The following NSA2 variants were observed in gnomAD, a reference collection of about 807,000 sequenced individuals.
NSA2 encodes the protein ribosome biogenesis protein NSA2 homolog.
NSA2 carries 18 observed loss-of-function variants against 34.8 expected under a neutral mutation model. That is an observed-to-expected ratio of 0.52 (90% confidence interval 0.36 to 0.77). NSA2 has a LOEUF of 0.77. NSA2 is among the 30% of genes least tolerant of loss of function. The pLI is 0.00. For synonymous variants in NSA2, 79 were observed against 100.2 expected, an observed-to-expected ratio of 0.79 and a Z score of 1.26; for missense variants, 188 against 314.7, an observed-to-expected ratio of 0.60 and a Z score of 3.05.
In NSA2 at chr5:74,773,848, T is replaced by A; in HGVS notation, c.523-20T>A. On this transcript the variant is annotated intron_variant, in intron 4 of 5. Coordinates refer to ENST00000610426, the MANE Select transcript of NSA2 (RefSeq NM_014886.6). ...AACATTTTGGACGTAAACATTCTTA[T>A]GTTGTGTTTGACTTACTAGGGCTTG... is the stretch of plus-strand genomic sequence containing the variant. 6.3e-7 allele frequency: 1 copy of A among 1,597,164 alleles called. No homozygotes were observed. The highest frequency in any genetic ancestry group is 8.5e-7 in the Non-Finnish European group (1 of 1,171,122).
chr5:74,775,901 G>T (rs1358153719), intron 5 of NSA2, among the ~76,000 whole-genome samples: 3 of 152,066 alleles, frequency 2.0e-5, no homozygotes, highest in Admixed American at 2.0e-4. Flanking sequence ...TTCAGTCATT[G>T]GTTTATACTT....
intron 5 of NSA2, among the ~76,000 whole-genome samples, chr5:74,774,795 G>A (rs1580057756): frequency 2.6e-5 from 4 of 152,176 alleles, no homozygotes; most frequent in East Asian, 1.9e-4. Flanking sequence ...GATGTCTTCC[G>A]TAAGAAAAAA....
At chr5:74,767,433 G>C (rs1346251032) in intron 1 of NSA2, 70 bp downstream of exon 1, 12 of 1,586,660 alleles carry the variant, frequency 7.6e-6, no homozygotes, top group Non-Finnish European at 9.5e-6. Context: ...ACTCTGGGGC[G>C]CTGGGGTAGG....
In NSA2 at chr5:74,778,005, G is replaced by A. The variant is rs878874778; in HGVS notation, c.*1334G>A. On this transcript the variant is annotated 3_prime_UTR_variant, in exon 6 of 6. Transcript: ENST00000610426. Reference sequence around the variant, plus strand: ...CCTTTCTTACAATTAGATTTTAGCAGATAATTTTACCACTAATATAAATGG... The same window carrying A: ...CCTTTCTTACAATTAGATTTTAGCAAATAATTTTACCACTAATATAAATGG... 1.3e-5 allele frequency: 2 copies of A among 152,034 alleles called. No homozygotes were observed. Among genetic ancestry groups the A allele is most frequent in the Admixed American group, 1.3e-4 (2 of 15,260 alleles). 9.4% of individuals were successfully genotyped at this position (152,034 alleles called of 1,614,324 possible).
chr5:74,769,362 G>A lies in NSA2; in HGVS notation c.340G>A (p.Ala114Thr), dbSNP rs774084578. Residue 114 changes from alanine to threonine, a missense_variant and splice_region_variant, in exon 3 of 6, where the codon GCG becomes ACG. By Grantham distance (58) the Ala-to-Thr change is moderately conservative. Transcript: ENST00000610426. The stretch of plus-strand genomic sequence containing the variant: ...GATTAAACAGAAAAGAAAAGAGAAG[G>A]CGGTAAGCAATAACAATTGAAGTCT... ...NMIKQKRKEKAGKWEVPLPKV... is the reference protein window; with the variant it reads ...NMIKQKRKEKTGKWEVPLPKV... 3.8e-6 allele frequency: 6 copies of A among 1,594,242 alleles called. No individual in the cohort carries two copies. The Middle Eastern group carries it at 5.0e-4, about 134-fold the overall frequency.
intron 4 of NSA2, 142 bp from the exon 5 acceptor site, chr5:74,773,726 A>G (rs552166738): frequency 1.6e-5 from 10 of 633,700 alleles, no homozygotes; most frequent in African/African-American, 3.7e-5. Context: ...TCTGTAAAAC[A>G]TATTTTGTTA....
Position 74,776,705 on chromosome 5 carries a change from C to T in NSA2, c.*34C>T, listed in dbSNP as rs779227515. ...TCATATATAATTATTGAGGACTACA[C>T]ACCAATTGAAGAAACTGCCATTACT... On this transcript the variant is annotated 3_prime_UTR_variant, in exon 6 of 6. Transcript: ENST00000610426. The T allele has an allele frequency of 9.1e-6, 10 of 1,095,944 alleles. No individual in the cohort carries two copies. In the Admixed American group the frequency reaches 1.2e-4, roughly 13 times the overall value. The allele number at this position is 1,095,944 out of a possible 1,614,324, so 67.9% of individuals were successfully genotyped here.
At chr5:74,772,218 G>A (rs1053428910) in intron 4 of NSA2, among the ~76,000 whole-genome samples, 10 of 149,986 alleles carry the variant, frequency 6.7e-5, no homozygotes, top group Middle Eastern at 3.4e-3. Context: ...TCCGCCTCCC[G>A]GGTTCTCGCC....
Position 74,778,535 on chromosome 5 carries a change from C to T in NSA2, c.*1864C>T, listed in dbSNP as rs575564344. The T allele has an allele frequency of 3.3e-5, 5 of 152,002 alleles. No homozygotes were observed. In the South Asian group the frequency reaches 8.3e-4, roughly 25 times the overall value. 9.4% of individuals were successfully genotyped at this position (152,002 alleles called of 1,614,324 possible). On this transcript the variant is annotated 3_prime_UTR_variant, in exon 6 of 6. Transcript: ENST00000610426. Reference sequence around the variant, plus strand: ...TTACCATCTACACTGAATGGAAATACCATGAATATAGACACATTTTAAGTA... The same window carrying T: ...TTACCATCTACACTGAATGGAAATATCATGAATATAGACACATTTTAAGTA...
At chr5:74,768,659 A>ATTT (rs1208003497) in intron 1 of NSA2, among the ~76,000 whole-genome samples, 4 of 152,260 alleles carry the variant, frequency 2.6e-5, no homozygotes, top group African/African-American at 9.6e-5. Context: ...TGTCAAGGAA[A>ATTT]AAAGATACTG....
At position 74,769,322 on chromosome 5, in the gene NSA2, A is replaced by C. The variant is rs201783554; in HGVS notation, c.300A>C (p.Lys100Asn). Reference sequence around the variant, plus strand: ...ACAGAGAGGGACAATCTCGAGCTAAAGTACTTTCCAATATGATTAAACAGA... The same window carrying C: ...ACAGAGAGGGACAATCTCGAGCTAACGTACTTTCCAATATGATTAAACAGA... ...LLDREGQSRAKVLSNMIKQKR... is the reference protein window; with the variant it reads ...LLDREGQSRANVLSNMIKQKR... Residue 100 changes from lysine (K) to asparagine (N), a missense_variant, in exon 3 of 6, where the codon AAA becomes AAC. Transcript: ENST00000610426. 2 of 1,613,116 alleles carry C rather than the reference A, an allele frequency of 1.2e-6. No homozygotes were observed. The highest frequency in any genetic ancestry group is 3.3e-5 in the Admixed American group (2 of 59,788).
chr5:74,767,315 T>C lies in NSA2; in HGVS notation c.-46T>C. 1 of 1,612,296 alleles carries C rather than the reference T, an allele frequency of 6.2e-7. No individual in the cohort carries two copies. Among genetic ancestry groups the C allele is most frequent in the Non-Finnish European group, 8.5e-7 (1 of 1,178,820 alleles). On this transcript the variant is annotated 5_prime_UTR_variant, in exon 1 of 6. Transcript: ENST00000610426. ...CTTTGAGACCCGAAAATTGAGAGCG[T>C]TTTCGCACTCCAGCGGCTGCTCCTG...
chr5:74,770,281 C>T (rs941150960), intron 3 of NSA2, among the ~76,000 whole-genome samples: 1 of 147,360 alleles, frequency 6.8e-6, no homozygotes, highest in African/African-American at 2.5e-5. Flanking sequence ...CACAGTGAGC[C>T]AAGATTGTAC....
In NSA2 at chr5:74,775,364, C is replaced by G. The variant is rs189969784; in HGVS notation, c.716-1240C>G. Among the ~76,000 whole-genome samples the G allele has an allele frequency of 4.7e-4, 72 of 152,176 alleles. No individual in the cohort carries two copies. The East Asian group carries it at 0.013, about 28-fold the overall frequency. ...GGCGCAGTGGCTGACACCTATAATC[C>G]CAGCACTTGGGGAGGCCGAGGCAGG... On this transcript the variant is annotated intron_variant, in intron 5 of 5. Transcript: ENST00000610426.
intron 3 of NSA2, 29 bp from the exon 4 acceptor site, chr5:74,770,602 A>G: frequency 6.6e-7 from 1 of 1,504,070 alleles, no homozygotes; most frequent in East Asian, 2.3e-5. Context: ...TAATAACAAT[A>G]TAAACTTTTA....
Position 74,770,936 on chromosome 5 carries a change from A to G in NSA2, c.522+126A>G, listed in dbSNP as rs1048077739. On this transcript the variant is annotated intron_variant, in intron 4 of 5. Transcript: ENST00000610426. Reference sequence around the variant, plus strand: ...ACAGGTTGAAAGATATTTTTATGCAATTTTTGTTATTTTATTGACAGAAGT... The same window carrying G: ...ACAGGTTGAAAGATATTTTTATGCAGTTTTTGTTATTTTATTGACAGAAGT... 5 of 771,864 alleles carry G rather than the reference A, an allele frequency of 6.5e-6. No homozygotes were observed. In the African/African-American group the frequency reaches 9.1e-5, roughly 14 times the overall value. 47.8% of individuals were successfully genotyped at this position (771,864 alleles called of 1,614,324 possible). A position where few individuals can be genotyped will look rare whatever the true frequency, so the allele number is the denominator to read the frequency against.
At chr5:74,775,800 A>G (rs1402292792) in intron 5 of NSA2, among the ~76,000 whole-genome samples, 2 of 152,134 alleles carry the variant, frequency 1.3e-5, no homozygotes, top group Admixed American at 6.6e-5. Flanking sequence ...TGTGTCATGC[A>G]GTAATTTTAA....
In NSA2 at chr5:74,778,586, G is replaced by C. The variant is rs1461815923; in HGVS notation, c.*1915G>C. The C allele has an allele frequency of 7.9e-6, 1 of 127,272 alleles. No homozygotes were observed. The highest frequency in any genetic ancestry group is 4.3e-5 in the African/African-American group (1 of 23,408). 7.9% of individuals were successfully genotyped at this position (127,272 alleles called of 1,614,324 possible). A position where few individuals can be genotyped will look rare whatever the true frequency, so the allele number is the denominator to read the frequency against. On this transcript the variant is annotated 3_prime_UTR_variant, in exon 6 of 6. Transcript: ENST00000610426. Reference sequence around the variant, plus strand: ...GAAGACTGACGTTCTAAATCATGCTGTTTGATTTTATAAAAAAATCATAAT... The same window carrying C: ...GAAGACTGACGTTCTAAATCATGCTCTTTGATTTTATAAAAAAATCATAAT...
chr5:74,770,555 A>C, intron 3 of NSA2, 76 bp from the exon 4 acceptor site: 1 of 1,202,922 alleles, frequency 8.3e-7, no homozygotes, highest in East Asian at 2.4e-5. Context: ...ATTACTTTGT[A>C]CAACTAAAAC....
Sources: allele counts gnomAD v4.1 joint callset (sites outside exome capture counted in the v4.1 genomes callset), GRCh38; gene constraint gnomAD v4.1.1; transcripts MANE v1.5; gene names NCBI Gene and HGNC (gene_info 2026-07-23, HGNC 2026-07-21).